Variants in CHCHD6 observed in about 807,000 individuals in gnomAD.
CHCHD6 encodes the protein MICOS complex subunit MIC25.
Under a neutral mutation model 32.3 loss-of-function variants are expected in CHCHD6, and 28 were observed. The ratio of observed to expected loss-of-function variants is 0.87; its 90% CI spans 0.64 to 1.19. CHCHD6 has a LOEUF of 1.19. CHCHD6 is among the 50% of genes most tolerant of loss of function. The pLI is 0.00. For synonymous variants in CHCHD6, 122 were observed against 117.5 expected (o/e 1.04, Z -0.25); for missense variants, 333 against 307.0 (o/e 1.08, Z -0.63).
intron 4 of CHCHD6, among the ~76,000 whole-genome samples, chr3:126,828,433 C>G (rs1940499981): frequency 6.6e-6 from 1 of 152,184 alleles, no homozygotes; most frequent in Non-Finnish European, 1.5e-5. Context: ...GAAATCAGCT[C>G]TGGCTAACTT....
At chr3:126,812,550 A>G (rs1426415311) in intron 4 of CHCHD6, among the ~76,000 whole-genome samples, 1 of 150,172 alleles carries the variant, frequency 6.7e-6, no homozygotes, top group African/African-American at 2.5e-5. Context: ...CAGTTTCCCT[A>G]GTATGCTGGG....
At chr3:126,803,615 G>T (rs1374923322) in intron 4 of CHCHD6, among the ~76,000 whole-genome samples, 2 of 152,128 alleles carry the variant, frequency 1.3e-5, no homozygotes, top group Non-Finnish European at 2.9e-5. Flanking sequence ...CAATAATAAT[G>T]GGAGACTTTA....
At chr3:126,769,969 A>C (rs1412253071) in intron 4 of CHCHD6, among the ~76,000 whole-genome samples, 1 of 152,198 alleles carries the variant, frequency 6.6e-6, no homozygotes, top group Non-Finnish European at 1.5e-5. Flanking sequence ...CCGTGAGCAT[A>C]GAATGTTTTT....
intron 6 of CHCHD6, among the ~76,000 whole-genome samples, chr3:126,929,604 CACCCAGGCTGGAGTGCAGTGG>C (rs1483219188): frequency 1.3e-5 from 2 of 152,022 alleles, no homozygotes; most frequent in Non-Finnish European, 2.9e-5. Flanking sequence ...CTCGCTCTGT[CACCCAGGCTGGAGTGCAGTGG>C]CACAATCTCG....
intron 4 of CHCHD6, among the ~76,000 whole-genome samples, chr3:126,822,304 C>A (rs558045338): frequency 6.6e-6 from 1 of 152,272 alleles, no homozygotes; most frequent in East Asian, 1.9e-4. Context: ...TTAGCATCAT[C>A]TGTTGAAAAG....
chr3:126,824,669 CT>C (rs1307843003), intron 4 of CHCHD6, among the ~76,000 whole-genome samples: 2 of 151,632 alleles, frequency 1.3e-5, no homozygotes, highest in Non-Finnish European at 2.9e-5. Context: ...TCACCATAAC[CT>C]CTGCCTTACA....
At chr3:126,890,352 G>T (rs1028928263) in intron 5 of CHCHD6, among the ~76,000 whole-genome samples, 1 of 152,198 alleles carries the variant, frequency 6.6e-6, no homozygotes. Context: ...CTCAAGGCTC[G>T]GTGACACAGG....
At chr3:126,938,637 A>G (rs1350612786) in intron 6 of CHCHD6, among the ~76,000 whole-genome samples, 3 of 152,252 alleles carry the variant, frequency 2.0e-5, no homozygotes, top group Non-Finnish European at 2.9e-5. Context: ...TAACAGAGAA[A>G]GTCCCAGTAA....
chr3:126,909,699 A>G (rs2078058830), intron 5 of CHCHD6, among the ~76,000 whole-genome samples: 1 of 152,218 alleles, frequency 6.6e-6, no homozygotes. Flanking sequence ...GGCAGAGGAA[A>G]AGACTGCAAA....
At chr3:126,726,803 C>G (rs1190916803) in intron 1 of CHCHD6, among the ~76,000 whole-genome samples, 2 of 152,032 alleles carry the variant, frequency 1.3e-5, no homozygotes. Context: ...ATCAGGTTCC[C>G]CTGAGGACTG....
intron 5 of CHCHD6, among the ~76,000 whole-genome samples, chr3:126,885,962 C>CT: frequency 6.6e-6 from 1 of 152,294 alleles, no homozygotes; most frequent in East Asian, 1.9e-4. Flanking sequence ...CCTGAGGAGT[C>CT]TAACTCTGAG....
At chr3:126,721,366 T>G (rs991248286) in intron 1 of CHCHD6, among the ~76,000 whole-genome samples, 1 of 152,162 alleles carries the variant, frequency 6.6e-6, no homozygotes, top group African/African-American at 2.4e-5. Context: ...TGCCCTAGGC[T>G]ATGAAGCTTC....
chr3:126,898,055 A>T (rs2077865979), intron 5 of CHCHD6, among the ~76,000 whole-genome samples: 1 of 152,182 alleles, frequency 6.6e-6, no homozygotes, highest in African/African-American at 2.4e-5. Flanking sequence ...TGCTCTGCTG[A>T]TTGGCAGTGG....
intron 4 of CHCHD6, among the ~76,000 whole-genome samples, chr3:126,737,028 A>G (rs1394278061): frequency 6.6e-6 from 1 of 152,174 alleles, no homozygotes; most frequent in Non-Finnish European, 1.5e-5. Flanking sequence ...ATAGAAAGCA[A>G]AAACTTTCTT....
intron 5 of CHCHD6, among the ~76,000 whole-genome samples, chr3:126,890,292 G>C (rs968735036): frequency 6.6e-6 from 1 of 152,222 alleles, no homozygotes; most frequent in Admixed American, 6.5e-5. Context: ...CTTCATGAGC[G>C]GGTAGGGCCT....
chr3:126,910,273 G>GAAAAAAAAAAA (rs547565601), intron 5 of CHCHD6, among the ~76,000 whole-genome samples: 1 of 111,454 alleles, frequency 9.0e-6, no homozygotes, highest in Non-Finnish European at 1.8e-5. Flanking sequence ...CCTGCCTCAG[G>GAAAAAAAAAAA]AAAAAAAAAA....
At chr3:126,878,502 A>C (rs1458689948) in intron 5 of CHCHD6, among the ~76,000 whole-genome samples, 6 of 152,256 alleles carry the variant, frequency 3.9e-5, no homozygotes, top group Admixed American at 2.0e-4. Flanking sequence ...ACAGTGAATA[A>C]TGACAGAAAT....
At chr3:126,858,128 AC>A (rs1465445860) in intron 5 of CHCHD6, among the ~76,000 whole-genome samples, 1 of 152,144 alleles carries the variant, frequency 6.6e-6, no homozygotes, top group African/African-American at 2.4e-5. Context: ...TGCTGTTGGA[AC>A]TCCAGACACA....
chr3:126,801,413 C>T (rs78498571), intron 4 of CHCHD6, among the ~76,000 whole-genome samples: 11 of 152,348 alleles, frequency 7.2e-5, no homozygotes, highest in Admixed American at 3.3e-4. Context: ...GATTATATCC[C>T]GCACCTGGCT....
Sources: allele counts gnomAD v4.1 joint callset (sites outside exome capture counted in the v4.1 genomes callset), GRCh38; gene constraint gnomAD v4.1.1; transcripts MANE v1.5; gene names NCBI Gene and HGNC (gene_info 2026-07-23, HGNC 2026-07-21).